ADGRL3: variants seen among roughly 807,000 people sequenced by gnomAD.
The protein encoded by ADGRL3 is calcium-independent alpha-latrotoxin receptor 3.
A neutral mutation model predicts 153.5 loss-of-function variants in ADGRL3; 62 were observed. The observed-to-expected ratio is 0.40, with a 90% confidence interval of 0.33 to 0.50. The LOEUF is 0.50. Ranked by LOEUF, ADGRL3 falls within the 20% of genes least tolerant of loss-of-function variation. The pLI is 0.47. For synonymous variants in ADGRL3, 710 were observed against 672.5 expected (o/e 1.06, Z -0.86); for missense variants, 1,641 against 1,859.4 (o/e 0.88, Z 2.16).
intron 5 of ADGRL3, among the ~76,000 whole-genome samples, chr4:61,609,469 T>C (rs2099044938): frequency 6.6e-6 from 1 of 152,106 alleles, no homozygotes; most frequent in Non-Finnish European, 1.5e-5. Context: ...GCTATTAATA[T>C]TTAATAGACT....
At chr4:61,343,816 T>C (rs1179113940) in intron 1 of ADGRL3, among the ~76,000 whole-genome samples, 4 of 152,224 alleles carry the variant, frequency 2.6e-5, no homozygotes, top group Non-Finnish European at 5.9e-5. Context: ...ACTGAGCTTT[T>C]CACCCTTAAT....
chr4:61,725,468 G>C (rs996615542), intron 6 of ADGRL3, among the ~76,000 whole-genome samples: 1 of 151,954 alleles, frequency 6.6e-6, no homozygotes, highest in Non-Finnish European at 1.5e-5. Flanking sequence ...GGTGGCAGGT[G>C]CCTGTAGTCC....
intron 9 of ADGRL3, among the ~76,000 whole-genome samples, chr4:61,869,958 A>G (rs35238822): frequency 8.9e-6 from 1 of 111,770 alleles, no homozygotes; most frequent in Non-Finnish European, 1.9e-5. Context: ...AAAAAAAAAA[A>G]AAAGAGAGAG....
intron 5 of ADGRL3, among the ~76,000 whole-genome samples, chr4:61,666,774 C>A (rs1424598715): frequency 1.4e-4 from 22 of 152,046 alleles, no homozygotes; most frequent in Admixed American, 1.4e-3. Flanking sequence ...ATAATGAATT[C>A]AAGTACATAC....
intron 8 of ADGRL3, among the ~76,000 whole-genome samples, chr4:61,777,333 T>G (rs963055343): frequency 6.7e-6 from 1 of 150,080 alleles, no homozygotes; most frequent in African/African-American, 2.4e-5. Flanking sequence ...AGACTCCATC[T>G]CAAAAAAAAA....
In ADGRL3 at chr4:62,031,517, T is replaced by A. The variant is rs1218342270; in HGVS notation, c.3498T>A (p.Asn1166Lys). The A allele has an allele frequency of 1.9e-6, 3 of 1,610,878 alleles. No individual in the cohort carries two copies. Among genetic ancestry groups the A allele is most frequent in the African/African-American group, 1.3e-5 (1 of 74,782 alleles). The change falls in exon 23 of 27, where the codon AAT becomes AAA. Residue 1166 changes from asparagine (N) to lysine (K), a missense_variant. This residue lies in a region of ADGRL3 where 517 missense variants were observed against 555.0 expected (regional missense o/e 0.93). Transcript: ENST00000683033. ...GGGCCTTTGGACTCATGTATATTAA[T>A]GAAAGCACAGTCATCATGGCCTATC... is the stretch of plus-strand genomic sequence containing the variant. Reference protein sequence around the residue: ...LTWAFGLMYINESTVIMAYLF... With the variant: ...LTWAFGLMYIKESTVIMAYLF...
intron 5 of ADGRL3, among the ~76,000 whole-genome samples, chr4:61,651,864 C>T (rs1478483767): frequency 1.3e-5 from 2 of 151,116 alleles, no homozygotes; most frequent in Admixed American, 1.3e-4. Context: ...GATCTGCCTG[C>T]CTTGCCTCCC....
intron 9 of ADGRL3, among the ~76,000 whole-genome samples, chr4:61,828,808 C>A (rs2097840560): frequency 6.6e-6 from 1 of 152,208 alleles, no homozygotes; most frequent in African/African-American, 2.4e-5. Context: ...CAGTACTAAT[C>A]TAAAGCAAAT....
At position 62,072,387 on chromosome 4, in the gene ADGRL3, G is replaced by C. The variant is rs11941938; in HGVS notation, c.*1479G>C. ...TTGGATGACCTCATTACTAATATTTGTTGTAAAAGTGAAACTTGTTTGCCA... is the reference window on the plus strand; with the variant it reads ...TTGGATGACCTCATTACTAATATTTCTTGTAAAAGTGAAACTTGTTTGCCA... On this transcript the variant is annotated 3_prime_UTR_variant, in exon 27 of 27. Coordinates refer to ENST00000683033, the MANE Select transcript of ADGRL3 (RefSeq NM_001387552.1). 254 of 152,548 alleles carry C rather than the reference G, an allele frequency of 1.7e-3. No individual in the cohort carries two copies. The highest frequency in any genetic ancestry group is 6.0e-3 in the African/African-American group (249 of 41,480). 9.4% of individuals were successfully genotyped at this position (152,548 alleles called of 1,614,324 possible).
At chr4:61,809,375 TA>T (rs2097583332) in intron 8 of ADGRL3, among the ~76,000 whole-genome samples, 1 of 152,170 alleles carries the variant, frequency 6.6e-6, no homozygotes, top group African/African-American at 2.4e-5. Context: ...GAATTTAAAA[TA>T]AATGGGTTAG....
intron 13 of ADGRL3, among the ~76,000 whole-genome samples, chr4:61,917,557 A>G (rs2098750466): frequency 6.6e-6 from 1 of 152,162 alleles, no homozygotes; most frequent in Non-Finnish European, 1.5e-5. Context: ...AGACAGTACT[A>G]TTTTCCACCA....
At chr4:61,888,521 T>A (rs1265764146) in intron 9 of ADGRL3, among the ~76,000 whole-genome samples, 2 of 152,354 alleles carry the variant, frequency 1.3e-5, no homozygotes. Flanking sequence ...GGTGACAGCA[T>A]GTCTATCACT....
chr4:61,370,013 G>C (rs1271188261), intron 1 of ADGRL3, among the ~76,000 whole-genome samples: 1 of 151,992 alleles, frequency 6.6e-6, no homozygotes, highest in Non-Finnish European at 1.5e-5. Flanking sequence ...TAGTTTATTT[G>C]CATAGAGGTG....
intron 2 of ADGRL3, among the ~76,000 whole-genome samples, chr4:61,421,879 A>G (rs1438861547): frequency 1.3e-5 from 2 of 152,106 alleles, no homozygotes; most frequent in African/African-American, 4.8e-5. Context: ...AATAAATATG[A>G]CTTTTCTTCA....
intron 2 of ADGRL3, among the ~76,000 whole-genome samples, chr4:61,474,046 A>C (rs549358216): frequency 6.6e-6 from 1 of 152,276 alleles, no homozygotes; most frequent in South Asian, 2.1e-4. Flanking sequence ...AAATCTGTGA[A>C]TATTACAGAA....
rs985928058 is a variant in ADGRL3, at chr4:62,072,695, G to T, written c.*1787G>T. 1 of 152,048 alleles carries T rather than the reference G, an allele frequency of 6.6e-6. No individual in the cohort carries two copies. The highest frequency in any genetic ancestry group is 6.6e-5 in the Admixed American group (1 of 15,258). 9.4% of individuals were successfully genotyped at this position (152,048 alleles called of 1,614,324 possible). A position where few individuals can be genotyped will look rare whatever the true frequency, so the allele number is the denominator to read the frequency against. The stretch of plus-strand genomic sequence containing the variant: ...AGATGCATAACTTAATGTTGAGCAG[G>T]TTAACATATATGTTACTATTTGCTT... On this transcript the variant is annotated 3_prime_UTR_variant, in exon 27 of 27. Coordinates refer to ENST00000683033, the MANE Select transcript of ADGRL3 (RefSeq NM_001387552.1).
At chr4:61,573,195 T>C (rs2098846085) in intron 4 of ADGRL3, among the ~76,000 whole-genome samples, 1 of 152,100 alleles carries the variant, frequency 6.6e-6, no homozygotes, top group African/African-American at 2.4e-5. Context: ...TTAAATATAA[T>C]GTGTATGTCG....
At chr4:61,293,442 C>T (rs967224054) in intron 1 of ADGRL3, among the ~76,000 whole-genome samples, 2 of 152,112 alleles carry the variant, frequency 1.3e-5, no homozygotes, top group Admixed American at 6.6e-5. Context: ...GATTTATTTT[C>T]ATGCTCTCAC....
At chr4:61,871,774 C>T (rs1273015759) in intron 9 of ADGRL3, among the ~76,000 whole-genome samples, 1 of 152,022 alleles carries the variant, frequency 6.6e-6, no homozygotes, top group African/African-American at 2.4e-5. Flanking sequence ...AATTATATCT[C>T]AATAAAGCTG....
Sources: gnomAD v4.1 joint callset for allele counts (sites outside exome capture counted in the v4.1 genomes callset) on GRCh38, gnomAD v4.1.1 for gene constraint, gnomAD v4.1.1 regional missense constraint, MANE v1.5 for transcripts, NCBI Gene and HGNC (gene_info 2026-07-23, HGNC 2026-07-21) for gene names.